The following CLASP2 variants were observed in gnomAD, a reference collection of about 807,000 sequenced individuals.
CLASP2 encodes CLIP-associating protein 2.
In CLASP2, 47 loss-of-function variants were observed where a neutral mutation model predicts 194.4. The observed-to-expected ratio is 0.24, with a 90% CI of 0.19 to 0.31. The LOEUF is 0.31. CLASP2 is among the 10% of genes least tolerant of loss of function. The probability of loss-of-function intolerance (pLI) is 1.00; values close to 1 mark genes in which losing one functional copy is unlikely to be tolerated. For synonymous variants in CLASP2, 619 were observed against 633.5 expected, an observed-to-expected ratio of 0.98 and a Z score of 0.34; for missense variants, 1,445 against 1,823.6, an observed-to-expected ratio of 0.79 and a Z score of 3.78.
intron 1 of CLASP2, among the ~76,000 whole-genome samples, chr3:33,713,012 C>CAAAAAAAAAAA (rs57940200): frequency 1.0e-3 from 49 of 46,994 alleles, no homozygotes; most frequent in Non-Finnish European, 1.3e-3. Context: ...AACTCCACCT[C>CAAAAAAAAAAA]AAAAAAAAAA....
intron 32 of CLASP2, among the ~76,000 whole-genome samples, chr3:33,540,066 TTAC>T (rs2058080508): frequency 6.6e-6 from 1 of 151,742 alleles, no homozygotes; most frequent in African/African-American, 2.4e-5. Context: ...GTAGCTGGGA[TTAC>T]AGGCTCCTGC....
At chr3:33,501,928 C>T (rs1256085785) in intron 37 of CLASP2, 160 bp from the exon 38 acceptor site, 2 of 575,950 alleles carry the variant, frequency 3.5e-6, no homozygotes, top group East Asian at 2.9e-5. Context: ...CAAGCATAGA[C>T]AATGCCCTTC....
intron 1 of CLASP2, among the ~76,000 whole-genome samples, chr3:33,698,970 T>A (rs2092171508): frequency 6.6e-6 from 1 of 152,138 alleles, no homozygotes; most frequent in Non-Finnish European, 1.5e-5. Context: ...ATGTTCTAGT[T>A]AAAAGAGCCA....
chr3:33,702,147 A>G (rs2092417050), intron 1 of CLASP2, among the ~76,000 whole-genome samples: 2 of 152,364 alleles, frequency 1.3e-5, no homozygotes, highest in South Asian at 2.1e-4. Context: ...TCTAAAATTC[A>G]TATGAAAATT....
At chr3:33,649,001 T>C (rs2154316828) in intron 7 of CLASP2, among the ~76,000 whole-genome samples, 1 of 152,346 alleles carries the variant, frequency 6.6e-6, no homozygotes, top group African/African-American at 2.4e-5. Context: ...TAAAAAGGTC[T>C]ACCAGAACTC....
In CLASP2 at chr3:33,524,507, C is replaced by T. The variant is rs116384348; in HGVS notation, c.3788-7333G>A. ...TCTACTAAAAATACATACAATTAGC[C>T]AGGCGTGGTGGCATGTGCCTATAAT... On this transcript the variant is annotated intron_variant, in intron 34 of 38. Transcript: ENST00000682230. Among the ~76,000 whole-genome samples the T allele has an allele frequency of 9.3e-3, 1,410 of 152,008 alleles. 29 individuals are homozygous for T. Among genetic ancestry groups the T allele is most frequent in the African/African-American group, 0.032 (1,329 of 41,442 alleles).
At chr3:33,687,474 T>A (rs1351680908) in intron 4 of CLASP2, among the ~76,000 whole-genome samples, 2 of 152,198 alleles carry the variant, frequency 1.3e-5, no homozygotes, top group Non-Finnish European at 2.9e-5. Flanking sequence ...TTTAAAATTG[T>A]GATTTTTTTA....
At chr3:33,613,363 A>T (rs755811389) in intron 12 of CLASP2, among the ~76,000 whole-genome samples, 2 of 152,184 alleles carry the variant, frequency 1.3e-5, no homozygotes, top group African/African-American at 2.4e-5. Flanking sequence ...CTTCCACATC[A>T]ATCAGTTATT....
At chr3:33,610,524 A>G (rs1187838996) in intron 13 of CLASP2, among the ~76,000 whole-genome samples, 1 of 152,082 alleles carries the variant, frequency 6.6e-6, no homozygotes, top group East Asian at 1.9e-4. Context: ...TCTATGGTAC[A>G]TTTTCTGATT....
chr3:33,547,622 T>G (rs1301035881), intron 30 of CLASP2, among the ~76,000 whole-genome samples: 1 of 152,114 alleles, frequency 6.6e-6, no homozygotes, highest in East Asian at 1.9e-4. Context: ...TCTGTCTAGT[T>G]TTGGTATCAG....
chr3:33,543,493 G>A lies in CLASP2; in HGVS notation c.3344C>T (p.Ala1115Val). ...PLTRPTPRSP[A>V]NWSSPLTSPT... Reference sequence around the variant, plus strand: ...AGAAGTAAGAGGACTGGACCAGTTAGCTGGTGATCGTGGTGTTGGTCTTGT... The same window carrying A: ...AGAAGTAAGAGGACTGGACCAGTTAACTGGTGATCGTGGTGTTGGTCTTGT... Residue 1115 changes from alanine to valine, a missense_variant, in exon 32 of 39, where the codon GCT becomes GTT. Ala to Val is a moderately conservative substitution (Grantham distance 64, BLOSUM62 0). Around this residue, in one of 4 missense-constraint regions of CLASP2, gnomAD observed 732 missense variants for 987.9 expected, o/e 0.74. Transcript: ENST00000682230. 1.2e-6 allele frequency: 2 copies of A among 1,613,488 alleles called. No homozygotes were observed. The highest frequency in any genetic ancestry group is 1.7e-6 in the Non-Finnish European group (2 of 1,179,414).
At chr3:33,592,537 AT>A in intron 20 of CLASP2, 41 bp from the exon 21 acceptor site, 1 of 1,462,300 alleles carries the variant, frequency 6.8e-7, no homozygotes. Context: ...ACATTTTTCT[AT>A]AATAATGTTT....
chr3:33,608,780 T>G (rs1050252513), intron 13 of CLASP2, among the ~76,000 whole-genome samples, 154 bp from the exon 14 acceptor site: 3 of 145,840 alleles, frequency 2.1e-5, no homozygotes, highest in Non-Finnish European at 4.5e-5. Context: ...GAGACAGAGT[T>G]TCACTCTTCT....
chr3:33,619,262 T>C (rs2076728298), intron 12 of CLASP2, among the ~76,000 whole-genome samples: 1 of 152,170 alleles, frequency 6.6e-6, no homozygotes, highest in Admixed American at 6.5e-5. Flanking sequence ...CATAACTACA[T>C]TAAAAATTTG....
intron 6 of CLASP2, among the ~76,000 whole-genome samples, chr3:33,674,484 G>A (rs1473835035): frequency 6.6e-6 from 1 of 150,992 alleles, no homozygotes; most frequent in Non-Finnish European, 1.5e-5. Context: ...GAGAAAGCAG[G>A]AAAGATCCAA....
chr3:33,525,535 G>A (rs558569736), intron 34 of CLASP2, among the ~76,000 whole-genome samples: 1 of 152,208 alleles, frequency 6.6e-6, no homozygotes, highest in East Asian at 1.9e-4. Context: ...CCCCTGCCTA[G>A]GAAAGCGGTG....
intron 8 of CLASP2, among the ~76,000 whole-genome samples, chr3:33,633,355 T>A (rs1244113128): frequency 6.6e-6 from 1 of 152,138 alleles, no homozygotes; most frequent in Non-Finnish European, 1.5e-5. Flanking sequence ...CAGAGTACCC[T>A]AGAATTCTTG....
chr3:33,621,777 T>C (rs1184676700), intron 11 of CLASP2, among the ~76,000 whole-genome samples: 2 of 152,176 alleles, frequency 1.3e-5, no homozygotes, highest in Non-Finnish European at 2.9e-5. Context: ...GCCAGAATAA[T>C]TGCTAAAATA....
chr3:33,578,268 C>T (rs34855425), intron 23 of CLASP2, among the ~76,000 whole-genome samples: 41,039 of 151,930 alleles, frequency 0.27, 5,792 homozygotes, highest in Admixed American at 0.37. Flanking sequence ...CATTTGAATA[C>T]AAAAAAATAC....
Sources: allele counts gnomAD v4.1 joint callset (sites outside exome capture counted in the v4.1 genomes callset), GRCh38; gene constraint gnomAD v4.1.1; regional missense constraint gnomAD v4.1.1; transcripts MANE v1.5; gene names NCBI Gene and HGNC (gene_info 2026-07-23, HGNC 2026-07-21).